CNTLN: variants seen among roughly 807,000 people sequenced by gnomAD.
CNTLN encodes the protein centlein, centrosomal protein.
Under a neutral mutation model 180.0 loss-of-function variants are expected in CNTLN, and 212 were observed. The observed-to-expected ratio is 1.18, with a 90% CI of 1.05 to 1.32. The LOEUF (loss-of-function observed/expected upper bound fraction) is 1.32, where lower values mean the gene tolerates loss of function less well. CNTLN is among the 40% of genes most tolerant of loss of function. The probability of loss-of-function intolerance (pLI) is 0.00; values close to 1 mark genes in which losing one functional copy is unlikely to be tolerated. For missense variants in CNTLN, 2,095 were observed against 1,610.9 expected, an observed-to-expected ratio of 1.30 and a Z score of -5.14; for synonymous variants, 722 against 563.1, an observed-to-expected ratio of 1.28 and a Z score of -3.99.
intron 2 of CNTLN, among the ~76,000 whole-genome samples, chr9:17,155,875 A>T (rs1819246719): frequency 6.6e-6 from 1 of 151,970 alleles, no homozygotes. Flanking sequence ...TGGGGTAGGC[A>T]CTGGAGGGAA....
At chr9:17,468,744 C>G (rs1013446702) in intron 23 of CNTLN, among the ~76,000 whole-genome samples, 2 of 151,516 alleles carry the variant, frequency 1.3e-5, no homozygotes, top group African/African-American at 2.4e-5. Context: ...TTTCTCCATA[C>G]AAAGTAGTTC....
intron 8 of CNTLN, among the ~76,000 whole-genome samples, chr9:17,322,880 T>C (rs1820013565): frequency 6.6e-6 from 1 of 152,210 alleles, no homozygotes. Flanking sequence ...AAACCTATGA[T>C]TGCCTTTTAA....
intron 19 of CNTLN, among the ~76,000 whole-genome samples, chr9:17,459,972 T>C (rs981076199): frequency 4.0e-5 from 6 of 151,758 alleles, no homozygotes; most frequent in African/African-American, 1.4e-4. Flanking sequence ...ATCAAACTGC[T>C]AATATAGTGA....
intron 2 of CNTLN, among the ~76,000 whole-genome samples, chr9:17,165,372 G>A (rs188525572): frequency 6.8e-4 from 104 of 152,292 alleles, no homozygotes; most frequent in Middle Eastern, 3.4e-3. Context: ...CTAAAGAGAA[G>A]TAGAGAAAAG....
chr9:17,145,966 C>T (rs1185106956), intron 2 of CNTLN, among the ~76,000 whole-genome samples: 1 of 152,064 alleles, frequency 6.6e-6, no homozygotes, highest in Non-Finnish European at 1.5e-5. Context: ...TTTTTGAAAG[C>T]ATAGTTCTGT....
At chr9:17,206,668 T>C (rs1563880040) in intron 2 of CNTLN, among the ~76,000 whole-genome samples, 3 of 152,172 alleles carry the variant, frequency 2.0e-5, no homozygotes, top group Non-Finnish European at 4.4e-5. Context: ...GGAGGTAAAG[T>C]TAAATATTAA....
intron 18 of CNTLN, among the ~76,000 whole-genome samples, chr9:17,429,049 A>C (rs10481509): frequency 6.6e-6 from 1 of 152,008 alleles, no homozygotes; most frequent in Non-Finnish European, 1.5e-5. Flanking sequence ...ATATCATCAG[A>C]TATTACATAT....
chr9:17,280,213 A>G (rs1828580505), intron 6 of CNTLN, among the ~76,000 whole-genome samples: 1 of 152,234 alleles, frequency 6.6e-6, no homozygotes, highest in Admixed American at 6.5e-5. Flanking sequence ...TATATTCTAC[A>G]GAACTTAACA....
At chr9:17,359,527 A>T (rs578220093) in intron 12 of CNTLN, among the ~76,000 whole-genome samples, 82 of 151,744 alleles carry the variant, frequency 5.4e-4, no homozygotes, top group African/African-American at 1.9e-3. Context: ...TGACTAAATA[A>T]GAAAAGGACA....
chr9:17,365,482 C>T (rs866057562), intron 12 of CNTLN, among the ~76,000 whole-genome samples: 1 of 152,316 alleles, frequency 6.6e-6, no homozygotes. Context: ...TCAGGTCTCA[C>T]ATTCTGAGGT....
chr9:17,503,162 T>C lies in CNTLN; in HGVS notation c.*510T>C, dbSNP rs1833839430. 2 of 152,290 alleles carry C rather than the reference T, an allele frequency of 1.3e-5. No homozygotes were observed. The highest frequency in any genetic ancestry group is 4.8e-5 in the African/African-American group (2 of 41,472). The allele number at this position is 152,290 out of a possible 1,614,324, so 9.4% of individuals were successfully genotyped here. ...ATAAATTGTGTGGTCCAATTGAATC[T>C]GTTCTCATTGATGTGCTGGTTTATG... On this transcript the variant is annotated 3_prime_UTR_variant, in exon 26 of 26. Coordinates refer to ENST00000380647, the MANE Select transcript of CNTLN (RefSeq NM_017738.4).
intron 10 of CNTLN, 40 bp from the exon 11 acceptor site, chr9:17,340,787 T>C (rs755303762): frequency 6.5e-7 from 1 of 1,545,118 alleles, no homozygotes; most frequent in Admixed American, 2.0e-5. Context: ...ATTAATACTT[T>C]CTTCAAACTT....
intron 18 of CNTLN, among the ~76,000 whole-genome samples, chr9:17,441,389 A>T (rs1830098379): frequency 6.6e-6 from 1 of 152,332 alleles, no homozygotes; most frequent in African/African-American, 2.4e-5. Flanking sequence ...TGAATACATA[A>T]TATAAAAAGA....
chr9:17,317,942 GT>G (rs1235919045), intron 8 of CNTLN, among the ~76,000 whole-genome samples: 1 of 151,832 alleles, frequency 6.6e-6, no homozygotes, highest in Non-Finnish European at 1.5e-5. Context: ...CCGTTGGTGT[GT>G]TTTTTGTAGA....
At chr9:17,477,348 G>A (rs1243712317) in intron 23 of CNTLN, among the ~76,000 whole-genome samples, 1 of 152,130 alleles carries the variant, frequency 6.6e-6, no homozygotes, top group African/African-American at 2.4e-5. Context: ...CAACTTTAAA[G>A]TTGAAGACTT....
At position 17,301,375 on chromosome 9, in the gene CNTLN, A is replaced by T. The variant is rs1818336775; in HGVS notation, c.1146+3023A>T. The T allele has an allele frequency of 6.1e-6, 6 of 985,350 alleles. No homozygotes were observed. In the South Asian group the frequency reaches 2.8e-4, roughly 46 times the overall value. 61.0% of individuals were successfully genotyped at this position (985,350 alleles called of 1,614,324 possible). A position where few individuals can be genotyped will look rare whatever the true frequency, so the allele number is the denominator to read the frequency against. On this transcript the variant is annotated intron_variant, in intron 7 of 25. Transcript: ENST00000380647. ...AATGAGAGATGTAAATGATGGGGTTATGTTGTGTTTGTGAATGATATTGAG... is the reference window on the plus strand; with the variant it reads ...AATGAGAGATGTAAATGATGGGGTTTTGTTGTGTTTGTGAATGATATTGAG...
chr9:17,226,781 T>C (rs958839895), intron 3 of CNTLN, among the ~76,000 whole-genome samples: 1 of 151,910 alleles, frequency 6.6e-6, no homozygotes, highest in Non-Finnish European at 1.5e-5. Flanking sequence ...CTGCAGACAG[T>C]ACAGGATGCA....
chr9:17,161,451 C>G (rs1819672940), intron 2 of CNTLN, among the ~76,000 whole-genome samples: 1 of 152,018 alleles, frequency 6.6e-6, no homozygotes, highest in Non-Finnish European at 1.5e-5. Flanking sequence ...AACATAATCT[C>G]AGGAAGCAGG....
intron 6 of CNTLN, among the ~76,000 whole-genome samples, chr9:17,295,512 G>C (rs917764169): frequency 6.6e-6 from 1 of 152,130 alleles, no homozygotes; most frequent in Non-Finnish European, 1.5e-5. Flanking sequence ...GGTTGTGCCA[G>C]CTGCCTAGTC....
Sources: allele counts gnomAD v4.1 joint callset (sites outside exome capture counted in the v4.1 genomes callset), GRCh38; gene constraint gnomAD v4.1.1; transcripts MANE v1.5; gene names NCBI Gene and HGNC (gene_info 2026-07-23, HGNC 2026-07-21).